RGS7: variants seen among roughly 807,000 people sequenced by gnomAD.
RGS7 encodes the protein regulator of G-protein signaling 7.
A neutral mutation model predicts 81.1 loss-of-function variants in RGS7; 27 were observed. That is an observed-to-expected ratio of 0.33 (90% CI 0.25 to 0.46). The LOEUF (loss-of-function observed/expected upper bound fraction) is 0.46. Ranked by LOEUF, RGS7 falls within the 20% of genes least tolerant of loss-of-function variation. The pLI is 1.00. For synonymous variants in RGS7, 208 were observed against 207.7 expected, an observed-to-expected ratio of 1.00 and a Z score of -0.01; for missense variants, 396 against 607.4, an observed-to-expected ratio of 0.65 and a Z score of 3.66.
chr1:241,320,832 G>A (rs1282827130), intron 2 of RGS7, among the ~76,000 whole-genome samples: 1 of 152,180 alleles, frequency 6.6e-6, no homozygotes, highest in African/African-American at 2.4e-5. Flanking sequence ...GTGCTGTGGG[G>A]TGTGGGGACA....
intron 4 of RGS7, among the ~76,000 whole-genome samples, chr1:240,946,794 G>C (rs916938579): frequency 6.6e-6 from 1 of 152,026 alleles, no homozygotes; most frequent in Admixed American, 6.6e-5. Context: ...AATAAGTTTT[G>C]GTGCTCTATT....
chr1:241,202,593 G>A (rs2073602171), intron 2 of RGS7, among the ~76,000 whole-genome samples: 1 of 152,206 alleles, frequency 6.6e-6, no homozygotes, highest in Admixed American at 6.5e-5. Flanking sequence ...GTAACAGACT[G>A]AGTGGGGAAG....
chr1:240,999,967 T>C (rs1687893723), intron 3 of RGS7, among the ~76,000 whole-genome samples: 1 of 152,212 alleles, frequency 6.6e-6, no homozygotes, highest in African/African-American at 2.4e-5. Flanking sequence ...TTCTGGGTTG[T>C]CGTTGGCTTT....
chr1:240,958,564 T>A (rs1217897228), intron 4 of RGS7, among the ~76,000 whole-genome samples: 1 of 152,210 alleles, frequency 6.6e-6, no homozygotes, highest in Non-Finnish European at 1.5e-5. Context: ...TTAGTGATGC[T>A]CTGCAGGACG....
intron 2 of RGS7, among the ~76,000 whole-genome samples, chr1:241,214,150 T>C (rs547346431): frequency 6.6e-6 from 1 of 152,364 alleles, no homozygotes; most frequent in South Asian, 2.1e-4. Flanking sequence ...TCTGGTATCA[T>C]TTCCTTTCAG....
At chr1:241,326,118 C>T (rs1294143781) in intron 2 of RGS7, among the ~76,000 whole-genome samples, 7 of 152,260 alleles carry the variant, frequency 4.6e-5, no homozygotes, top group African/African-American at 9.6e-5. Flanking sequence ...CACATTCCCC[C>T]GCCTAGGATG....
At chr1:241,126,014 G>A (rs1219864539) in intron 2 of RGS7, among the ~76,000 whole-genome samples, 1 of 152,142 alleles carries the variant, frequency 6.6e-6, no homozygotes, top group Non-Finnish European at 1.5e-5. Flanking sequence ...GCTAAGCTGC[G>A]ACCTGGAGTC....
intron 9 of RGS7, among the ~76,000 whole-genome samples, chr1:240,847,132 A>G (rs151128577): frequency 1.7e-3 from 266 of 152,312 alleles, no homozygotes; most frequent in Middle Eastern, 6.8e-3. Flanking sequence ...CTGATCCCCA[A>G]AAGTATTTTT....
At chr1:240,832,867 T>C (rs1387345694) in intron 9 of RGS7, among the ~76,000 whole-genome samples, 1 of 151,956 alleles carries the variant, frequency 6.6e-6, no homozygotes, top group Non-Finnish European at 1.5e-5. Flanking sequence ...AAAATTCAGG[T>C]TTCAAATATG....
chr1:240,804,678 G>A (rs1318686458), intron 15 of RGS7, among the ~76,000 whole-genome samples: 4 of 152,202 alleles, frequency 2.6e-5, no homozygotes, highest in South Asian at 2.1e-4. Context: ...AAAGATGCTC[G>A]GCATTTTATC....
chr1:241,015,493 T>G (rs960820666), intron 3 of RGS7, among the ~76,000 whole-genome samples: 1 of 152,186 alleles, frequency 6.6e-6, no homozygotes, highest in East Asian at 1.9e-4. Context: ...CTATTGACCA[T>G]TATAGCTTCA....
At position 241,272,145 on chromosome 1, in the gene RGS7, C is replaced by T. The variant is rs183145465; in HGVS notation, c.78+83554G>A. On this transcript the variant is annotated intron_variant, in intron 2 of 18. Transcript: ENST00000440928. ...AGTAGCTGGGACTACAGGCACCCGC[C>T]ACCACGCCTGGCTAATTTTTTGTAT... is the stretch of plus-strand genomic sequence containing the variant. Among the ~76,000 whole-genome samples, 212 of 152,182 alleles carry T rather than the reference C, an allele frequency of 1.4e-3. 6 individuals are homozygous for T. Among genetic ancestry groups the T allele is most frequent in the Non-Finnish European group, 3.4e-4 (23 of 67,990 alleles).
intron 6 of RGS7, among the ~76,000 whole-genome samples, chr1:240,925,242 C>T (rs998222419): frequency 2.6e-5 from 4 of 151,930 alleles, no homozygotes; most frequent in Non-Finnish European, 5.9e-5. Flanking sequence ...GAGCATAGTC[C>T]CTAGTAGGTA....
At chr1:241,018,549 A>T in intron 3 of RGS7, among the ~76,000 whole-genome samples, 1 of 151,166 alleles carries the variant, frequency 6.6e-6, no homozygotes, top group South Asian at 2.1e-4. Context: ...GATTTGGGGG[A>T]TATTCTTGGT....
At chr1:240,818,553 C>G (rs967398536) in intron 10 of RGS7, among the ~76,000 whole-genome samples, 7 of 152,098 alleles carry the variant, frequency 4.6e-5, no homozygotes, top group Admixed American at 4.6e-4. Flanking sequence ...TCTGAAATAA[C>G]AGTAGAGGTT....
chr1:240,902,529 C>T (rs1208924689), intron 6 of RGS7, among the ~76,000 whole-genome samples: 1 of 152,124 alleles, frequency 6.6e-6, no homozygotes, highest in African/African-American at 2.4e-5. Flanking sequence ...ACCAGAAAGA[C>T]AAGATGTTTC....
intron 3 of RGS7, among the ~76,000 whole-genome samples, chr1:241,052,432 T>C (rs911913875): frequency 6.6e-6 from 1 of 152,090 alleles, no homozygotes. Flanking sequence ...AAGAGCAACG[T>C]GAAGGCCGAG....
chr1:240,930,646 A>T (rs1230320379), intron 6 of RGS7, 71 bp downstream of exon 6: 1 of 1,407,212 alleles, frequency 7.1e-7, no homozygotes, highest in Non-Finnish European at 1.0e-6. Flanking sequence ...GAAAAAAGCA[A>T]TAAAACGCAA....
chr1:241,136,265 G>C (rs2067511349), intron 2 of RGS7, among the ~76,000 whole-genome samples: 1 of 152,156 alleles, frequency 6.6e-6, no homozygotes, highest in Admixed American at 6.5e-5. Context: ...TACTTCAGGA[G>C]CTTGATAAAA....
Sources: gnomAD v4.1 joint callset for allele counts (sites outside exome capture counted in the v4.1 genomes callset) on GRCh38, gnomAD v4.1.1 for gene constraint, MANE v1.5 for transcripts, NCBI Gene and HGNC (gene_info 2026-07-23, HGNC 2026-07-21) for gene names.